Variants in MTSS1 observed in about 807,000 individuals in gnomAD.
The protein encoded by MTSS1 is MTSS I-BAR domain containing 1.
A neutral mutation model predicts 79.0 loss-of-function variants in MTSS1; 18 were observed. The ratio of observed to expected loss-of-function variants is 0.23; its 90% confidence interval spans 0.16 to 0.34. MTSS1 has a LOEUF of 0.34. MTSS1 is among the 10% of genes least tolerant of loss of function. The pLI is 1.00. For missense variants in MTSS1, 815 were observed against 986.2 expected, an observed-to-expected ratio of 0.83 and a Z score of 2.33; for synonymous variants, 341 against 368.6, an observed-to-expected ratio of 0.93 and a Z score of 0.86.
chr8:124,583,956 A>G (rs1289921082), intron 6 of MTSS1, among the ~76,000 whole-genome samples: 2 of 152,234 alleles, frequency 1.3e-5, no homozygotes, highest in Non-Finnish European at 2.9e-5. Flanking sequence ...TCCAGACTAA[A>G]ATAAAACATA....
At chr8:124,607,965 G>A (rs769079311) in intron 3 of MTSS1, among the ~76,000 whole-genome samples, 18 of 152,070 alleles carry the variant, frequency 1.2e-4, no homozygotes, top group Non-Finnish European at 2.1e-4. Context: ...GATTGGTAAC[G>A]TGGAGAGTCC....
At position 124,719,084 on chromosome 8, in the gene MTSS1, G is replaced by A. The variant is rs73707028; in HGVS notation, c.72+8800C>T. On this transcript the variant is annotated intron_variant, in intron 1 of 13. Coordinates refer to ENST00000518547, the MANE Select transcript of MTSS1 (RefSeq NM_014751.6). The stretch of plus-strand genomic sequence containing the variant: ...GAATCTAAAATGCTAGGCTGCAAAA[G>A]CGAGAGAGAGCCCAGTCCTGTGGAG... Among the ~76,000 whole-genome samples the A allele has an allele frequency of 8.3e-4, 127 of 152,328 alleles. 1 individual carries two copies. Among genetic ancestry groups the A allele is most frequent in the African/African-American group, 2.9e-3 (121 of 41,574 alleles).
In MTSS1 at chr8:124,557,781, C is replaced by CG; in HGVS notation, c.1129dup (p.Arg377ProfsTer32). On this transcript the variant is annotated frameshift_variant, in exon 11 of 14. Transcript: ENST00000518547. LOFTEE classifies it high-confidence loss of function. ...GACAGAGGTGACCCGAGGGAGCAGG[C>CG]GGGAGGCAGGCAGGCAATGAGGGAA... The CG allele has an allele frequency of 6.2e-7, 1 of 1,603,476 alleles. No individual in the cohort carries two copies.
chr8:124,594,305 C>T (rs1300443010), intron 3 of MTSS1, among the ~76,000 whole-genome samples: 7 of 152,050 alleles, frequency 4.6e-5, no homozygotes, highest in African/African-American at 9.7e-5. Flanking sequence ...CTGAGGCGGG[C>T]GGATCACCTG....
chr8:124,699,712 T>C (rs896179684), intron 2 of MTSS1, 113 bp from the exon 3 acceptor site: 108 of 935,796 alleles, frequency 1.2e-4, no homozygotes, highest in Non-Finnish European at 3.1e-5. Context: ...CCTCCAGAAA[T>C]AACTCAACTG....
chr8:124,657,389 A>G (rs1821151489), intron 3 of MTSS1, among the ~76,000 whole-genome samples: 1 of 152,070 alleles, frequency 6.6e-6, no homozygotes, highest in African/African-American at 2.4e-5. Context: ...TTCCCATAAT[A>G]AAGTGTTGAA....
intron 1 of MTSS1, among the ~76,000 whole-genome samples, chr8:124,725,417 T>C (rs1342990136): frequency 6.6e-6 from 1 of 152,228 alleles, no homozygotes; most frequent in East Asian, 1.9e-4. Context: ...CTGCTGTACA[T>C]TTTGAAGAAT....
At chr8:124,690,163 G>A (rs1187893877) in intron 3 of MTSS1, among the ~76,000 whole-genome samples, 1 of 152,120 alleles carries the variant, frequency 6.6e-6, no homozygotes, top group African/African-American at 2.4e-5. Context: ...TGCTGCTCCC[G>A]CCGCCGCCAC....
chr8:124,707,392 C>CA (rs58460546), intron 1 of MTSS1, among the ~76,000 whole-genome samples: 59 of 144,728 alleles, frequency 4.1e-4, no homozygotes, highest in Middle Eastern at 3.5e-3. Flanking sequence ...ACTAAAAATA[C>CA]AAAAAAAAAA....
chr8:124,614,355 G>T (rs1164930416), intron 3 of MTSS1, among the ~76,000 whole-genome samples: 2 of 152,108 alleles, frequency 1.3e-5, no homozygotes, highest in Non-Finnish European at 2.9e-5. Flanking sequence ...ATTCTCAGGA[G>T]GTTTTACTCA....
At position 124,698,149 on chromosome 8, in the gene MTSS1, TA is replaced by T. The variant is rs1275699408; in HGVS notation, c.208+1376del. ...TGTGGTCCCATGATAGTGCCTGAAA[TA>T]AAAGGAGTTTGTTCAATGAATGAGA... On this transcript the variant is annotated intron_variant, in intron 3 of 13. Coordinates refer to ENST00000518547, the MANE Select transcript of MTSS1 (RefSeq NM_014751.6). 9.2e-5 allele frequency: 14 copies of T among 152,346 alleles called. No individual in the cohort carries two copies. In the East Asian group the frequency reaches 2.7e-3, roughly 29 times the overall value. 9.4% of individuals were successfully genotyped at this position (152,346 alleles called of 1,614,324 possible). A position where few individuals can be genotyped will look rare whatever the true frequency, so the allele number is the denominator to read the frequency against.
At chr8:124,668,796 C>A (rs1823593550) in intron 3 of MTSS1, among the ~76,000 whole-genome samples, 1 of 152,206 alleles carries the variant, frequency 6.6e-6, no homozygotes, top group South Asian at 2.1e-4. Flanking sequence ...CCCAAACAAG[C>A]TTTTGCCCAG....
intron 11 of MTSS1, 29 bp from the exon 12 acceptor site, chr8:124,556,434 A>G (rs1823811301): frequency 1.3e-6 from 2 of 1,580,124 alleles, no homozygotes; most frequent in Non-Finnish European, 8.6e-7. Flanking sequence ...GTCAGGAGCC[A>G]GGGCCTCTGC....
chr8:124,593,829 G>T (rs756867839), intron 3 of MTSS1, among the ~76,000 whole-genome samples: 6 of 152,166 alleles, frequency 3.9e-5, no homozygotes, highest in Non-Finnish European at 7.4e-5. Context: ...ATCCCCTCAG[G>T]TATATGGCAC....
In MTSS1 at chr8:124,584,674, C is replaced by G. The variant is rs546136641; in HGVS notation, c.460+413G>C. Among the ~76,000 whole-genome samples, 16 of 152,300 alleles carry G rather than the reference C, an allele frequency of 1.1e-4. No individual in the cohort carries two copies. In the South Asian group the frequency reaches 3.3e-3, roughly 32 times the overall value. ...CCCCTGCACCCATTCCTAGCATTCT[C>G]ACAAGACTTAATAAAGGGTTTTGAA... On this transcript the variant is annotated intron_variant, in intron 6 of 13. Coordinates refer to ENST00000518547, the MANE Select transcript of MTSS1 (RefSeq NM_014751.6).
chr8:124,606,171 GTTTTT>G (rs11351219), intron 3 of MTSS1, among the ~76,000 whole-genome samples: 1 of 88,894 alleles, frequency 1.1e-5, no homozygotes, highest in Non-Finnish European at 2.3e-5. Context: ...TTGGTTTTTT[GTTTTT>G]TTTTTTTTTT....
At position 124,557,895 on chromosome 8, in the gene MTSS1, G is replaced by C; in HGVS notation, c.1036-20C>G. On this transcript the variant is annotated intron_variant, in intron 10 of 13. Transcript: ENST00000518547. ...AGACAACTGGAAACAAACAAAAAAA[G>C]GGGGGGGGAAGGAAAAAAAATTAAT... The C allele has an allele frequency of 6.9e-7, 1 of 1,442,526 alleles. No homozygotes were observed. The highest frequency in any genetic ancestry group is 9.4e-7 in the Non-Finnish European group (1 of 1,058,594). 89.4% of individuals were successfully genotyped at this position (1,442,526 alleles called of 1,614,324 possible).
intron 3 of MTSS1, among the ~76,000 whole-genome samples, chr8:124,665,985 T>C (rs898006090): frequency 6.6e-6 from 1 of 152,218 alleles, no homozygotes; most frequent in African/African-American, 2.4e-5. Context: ...GTGGTCTCCA[T>C]TGTTTCATCC....
At chr8:124,649,756 C>T (rs1000668145) in intron 3 of MTSS1, among the ~76,000 whole-genome samples, 1 of 152,064 alleles carries the variant, frequency 6.6e-6, no homozygotes, top group African/African-American at 2.4e-5. Context: ...AAAGAAAGGA[C>T]GCAAGGCTCT....
Sources: allele counts gnomAD v4.1 joint callset (sites outside exome capture counted in the v4.1 genomes callset), GRCh38; gene constraint gnomAD v4.1.1; transcripts MANE v1.5; gene names NCBI Gene and HGNC (gene_info 2026-07-23, HGNC 2026-07-21).